ELF2: variants seen among roughly 807,000 people sequenced by gnomAD.
The protein encoded by ELF2 is ETS-related transcription factor Elf-2.
In ELF2, 11 loss-of-function variants were observed where a neutral mutation model predicts 54.8. That is an observed-to-expected ratio of 0.20 (90% CI 0.13 to 0.33). The LOEUF (loss-of-function observed/expected upper bound fraction) is 0.33, where lower values mean the gene tolerates loss of function less well. ELF2 is among the 10% of genes least tolerant of loss of function. The pLI, the probability that ELF2 is intolerant of heterozygous loss-of-function variation, is 1.00. For missense variants in ELF2, 513 were observed against 703.0 expected (o/e 0.73, Z 3.06); for synonymous variants, 203 against 245.1 (o/e 0.83, Z 1.61).
intron 4 of ELF2, among the ~76,000 whole-genome samples, chr4:139,104,694 G>A (rs1323186629): frequency 1.3e-5 from 2 of 151,944 alleles, no homozygotes; most frequent in African/African-American, 4.8e-5. Flanking sequence ...AAATCTTTCT[G>A]ATTTTTTATG....
intron 7 of ELF2, chr4:139,066,871 A>G (rs962172315): frequency 6.6e-6 from 1 of 152,190 alleles, no homozygotes; most frequent in Non-Finnish European, 1.5e-5. Flanking sequence ...AAATAAGTCA[A>G]TAAATAAGCA....
intron 3 of ELF2, among the ~76,000 whole-genome samples, chr4:139,134,376 A>G (rs1737877355): frequency 6.6e-6 from 1 of 151,000 alleles, no homozygotes; most frequent in South Asian, 2.1e-4. Flanking sequence ...TTGTGTTTTC[A>G]TTGTTTTTGT....
intron 4 of ELF2, among the ~76,000 whole-genome samples, chr4:139,088,612 C>A (rs1365996626): frequency 1.3e-5 from 2 of 152,116 alleles, no homozygotes; most frequent in South Asian, 4.1e-4. Context: ...GTTGTCTTCA[C>A]CCACTTCTAC....
chr4:139,070,573 G>A (rs573515905), intron 6 of ELF2, among the ~76,000 whole-genome samples: 6 of 152,278 alleles, frequency 3.9e-5, no homozygotes, highest in Non-Finnish European at 7.4e-5. Context: ...TTACAGACGT[G>A]AGCCATCATG....
chr4:139,175,874 T>C (rs898734451), intron 1 of ELF2, among the ~76,000 whole-genome samples: 3 of 152,232 alleles, frequency 2.0e-5, no homozygotes, highest in Non-Finnish European at 4.4e-5. Flanking sequence ...GCAGCGAATC[T>C]GCCTCCTAGA....
In ELF2 at chr4:139,120,313, C is replaced by T. The variant is rs913593598; in HGVS notation, c.238+4851G>A. Among the ~76,000 whole-genome samples the T allele has an allele frequency of 7.2e-5, 11 of 152,262 alleles. No individual in the cohort carries two copies. In the East Asian group the frequency reaches 2.1e-3, roughly 29 times the overall value. On this transcript the variant is annotated intron_variant, in intron 4 of 9. Coordinates refer to ENST00000686138, the MANE Select transcript of ELF2 (RefSeq NM_001331036.3). ...ATGGTTTATACAAGCCCTTTCTGTTCCTGTTGCTACTACCTTGTTTTAATA... is the reference window on the plus strand; with the variant it reads ...ATGGTTTATACAAGCCCTTTCTGTTTCTGTTGCTACTACCTTGTTTTAATA...
intron 4 of ELF2, among the ~76,000 whole-genome samples, chr4:139,074,043 G>C (rs530032127): frequency 3.9e-5 from 6 of 152,170 alleles, no homozygotes; most frequent in Admixed American, 2.6e-4. Context: ...CTGGAGAATC[G>C]CTTGAACCCA....
chr4:139,149,035 C>A (rs1039364329), intron 1 of ELF2, among the ~76,000 whole-genome samples: 1 of 152,178 alleles, frequency 6.6e-6, no homozygotes, highest in Non-Finnish European at 1.5e-5. Context: ...ATATTTTAAA[C>A]TTTCTCCCAG....
intron 4 of ELF2, among the ~76,000 whole-genome samples, chr4:139,106,036 A>G (rs910070462): frequency 6.6e-6 from 1 of 152,198 alleles, no homozygotes; most frequent in African/African-American, 2.4e-5. Flanking sequence ...AGCCCTTCTG[A>G]TAATTCTTAT....
chr4:139,069,595 T>C (rs1183031489), intron 6 of ELF2, among the ~76,000 whole-genome samples: 7 of 152,124 alleles, frequency 4.6e-5, no homozygotes, highest in Non-Finnish European at 4.4e-5. Flanking sequence ...ATTTCCTCCA[T>C]AGGAAAATGG....
chr4:139,120,260 T>C (rs1361177390), intron 4 of ELF2, among the ~76,000 whole-genome samples: 1 of 125,826 alleles, frequency 7.9e-6, no homozygotes, highest in Non-Finnish European at 1.7e-5. Context: ...TCTCCCCTTA[T>C]ATGTCATGTA....
chr4:139,090,428 T>C (rs1397047230), intron 4 of ELF2, among the ~76,000 whole-genome samples: 3 of 152,236 alleles, frequency 2.0e-5, no homozygotes, highest in Non-Finnish European at 4.4e-5. Context: ...GGATAAATAT[T>C]TTTTCAAATA....
At chr4:139,067,458 C>A (rs576522867) in intron 7 of ELF2, 10 of 481,002 alleles carry the variant, frequency 2.1e-5, no homozygotes, top group African/African-American at 1.7e-4. Flanking sequence ...TCCCTATATC[C>A]CCCATGATAC....
rs1553948934 is a variant in ELF2 at position 139,058,409 on chromosome 4, A to ATATATATATATGTATG, written c.*573_*574insCATACATATATATATA. The ATATATATATATGTATG allele has an allele frequency of 1.0e-3, 18 of 17,194 alleles. No homozygotes were observed. Among genetic ancestry groups the ATATATATATATGTATG allele is most frequent in the Non-Finnish European group, 2.6e-3 (17 of 6,512 alleles). 1.1% of individuals were successfully genotyped at this position (17,194 alleles called of 1,614,324 possible). A position where few individuals can be genotyped will look rare whatever the true frequency, so the allele number is the denominator to read the frequency against. ...CTATATGATATATATATATGTATGTATATATATATATATATATATATAAAA... is the reference window on the plus strand; with the variant it reads ...CTATATGATATATATATATGTATGTATATATATATATGTATGTATATATATATATATATATATAAAA... On this transcript the variant is annotated 3_prime_UTR_variant, in exon 10 of 10. Transcript: ENST00000686138.
chr4:139,169,494 T>C (rs1742052165), intron 1 of ELF2, among the ~76,000 whole-genome samples: 1 of 152,176 alleles, frequency 6.6e-6, no homozygotes, highest in Non-Finnish European at 1.5e-5. Context: ...GCATCACTCT[T>C]GTCACTGATC....
chr4:139,164,404 G>A lies in ELF2; in HGVS notation c.-252+12563C>T, dbSNP rs1056321602. On this transcript the variant is annotated intron_variant, in intron 1 of 9. Coordinates refer to ENST00000686138, the MANE Select transcript of ELF2 (RefSeq NM_001331036.3). ...TAGTCCCAGCACTTTGGGAGGCGGAGGCGGGTGGATCACCTGAGGTCAGGA... is the reference window on the plus strand; with the variant it reads ...TAGTCCCAGCACTTTGGGAGGCGGAAGCGGGTGGATCACCTGAGGTCAGGA... 3.3e-5 allele frequency among the ~76,000 whole-genome samples: 5 copies of A among 152,220 alleles called. No homozygotes were observed. In the South Asian group the frequency reaches 1.0e-3, roughly 31 times the overall value.
intron 1 of ELF2, among the ~76,000 whole-genome samples, chr4:139,149,206 T>A (rs566128492): frequency 2.6e-5 from 4 of 152,346 alleles, no homozygotes; most frequent in Non-Finnish European, 5.9e-5. Flanking sequence ...TTTAAAATAG[T>A]CTTCAGATAT....
chr4:139,155,977 C>T (rs1578948907), intron 1 of ELF2, among the ~76,000 whole-genome samples: 1 of 146,838 alleles, frequency 6.8e-6, no homozygotes, highest in Non-Finnish European at 1.5e-5. Flanking sequence ...TGGAAGAGAA[C>T]TTACAGCTCA....
intron 7 of ELF2, 70 bp from the exon 8 acceptor site, chr4:139,062,127 A>C (rs945004602): frequency 2.1e-6 from 3 of 1,421,486 alleles, no homozygotes; most frequent in Non-Finnish European, 2.9e-6. Flanking sequence ...AAAGCAAATA[A>C]AGTGTCCTTC....
Sources: allele counts gnomAD v4.1 joint callset (sites outside exome capture counted in the v4.1 genomes callset), GRCh38; gene constraint gnomAD v4.1.1; transcripts MANE v1.5; gene names NCBI Gene and HGNC (gene_info 2026-07-23, HGNC 2026-07-21).